Variants in PIGQ observed in about 807,000 individuals in gnomAD.
PIGQ encodes phosphatidylinositol glycan anchor biosynthesis class Q, also known as phosphatidylinositol N-acetylglucosaminyltransferase subunit Q.
PIGQ carries 54 observed loss-of-function variants against 60.3 expected under a neutral mutation model. The ratio of observed to expected loss-of-function variants is 0.90; its 90% CI spans 0.72 to 1.12. The LOEUF is 1.12. PIGQ is among the 50% of genes most tolerant of loss of function. The probability of loss-of-function intolerance (pLI) is 0.00; values close to 1 mark genes in which losing one functional copy is unlikely to be tolerated. For missense variants in PIGQ, 799 were observed against 793.5 expected (o/e 1.01, Z -0.08); for synonymous variants, 416 against 363.7 (o/e 1.14, Z -1.64).
chr16:579,968 T>A (rs753685632), intron 7 of PIGQ: 1 of 457,532 alleles, frequency 2.2e-6, no homozygotes, highest in Non-Finnish European at 3.9e-6. Context: ...TTGGGTGGTC[T>A]GGCCCCCACC....
chr16:583,840 A>G lies in PIGQ; in HGVS notation c.*805A>G. On this transcript the variant is annotated 3_prime_UTR_variant, in exon 11 of 11. Coordinates refer to ENST00000321878, the MANE Select transcript of PIGQ (RefSeq NM_004204.5). Reference sequence around the variant, plus strand: ...TGTGCAGACACCTCTGTGGCCCCCCAGGAGTGTGAGTGGCCTGGGGAGGGG... The same window carrying G: ...TGTGCAGACACCTCTGTGGCCCCCCGGGAGTGTGAGTGGCCTGGGGAGGGG... 1.5e-6 allele frequency: 1 copy of G among 655,634 alleles called. No homozygotes were observed. The allele number at this position is 655,634 out of a possible 1,614,324, so 40.6% of individuals were successfully genotyped here.
In PIGQ at chr16:578,861, G is replaced by A. The variant is rs555345115; in HGVS notation, c.1146G>A (p.Thr382=). Residue 382 remains threonine, a synonymous_variant, in exon 6 of 11, where the codon ACG becomes ACA. Transcript: ENST00000321878. ...HVGLSACLGL[T]VALSLLSDII... The stretch of plus-strand genomic sequence containing the variant: ...GCCTCTCGGCCTGCCTGGGCCTGAC[G>A]GTGGCCCTGTCCCTCCTCTCGGACA... 8.1e-6 allele frequency: 13 copies of A among 1,613,706 alleles called. No individual in the cohort carries two copies. In the African/African-American group the frequency reaches 1.1e-4, roughly 13 times the overall value.
chr16:574,388 G>A lies in PIGQ; in HGVS notation c.314G>A (p.Trp105Ter), dbSNP rs1274340709. 1 of 1,610,408 alleles carries A rather than the reference G, an allele frequency of 6.2e-7. No homozygotes were observed. The highest frequency in any genetic ancestry group is 8.5e-7 in the Non-Finnish European group (1 of 1,179,260). The change falls in exon 2 of 11, where the codon TGG becomes TAG. Residue 105 changes from tryptophan to a stop codon, truncating the protein, a stop_gained. Transcript: ENST00000321878. LOFTEE classifies it high-confidence loss of function. ...TGCCGGGAGAGAGGCGGCACGTTCT[G>A]GAGCTGCGAGGCCACCCACCGGCAA... is the stretch of plus-strand genomic sequence containing the variant. ...RLCRERGGTF[W>*]SCEATHRQAP...
In PIGQ at chr16:574,683, G is replaced by A. The variant is rs765948529; in HGVS notation, c.609G>A (p.Glu203=). The change falls in exon 2 of 11, where the codon GAG becomes GAA. Residue 203 remains glutamate (E), a synonymous_variant. Coordinates refer to ENST00000321878, the MANE Select transcript of PIGQ (RefSeq NM_004204.5). Reference sequence around the variant, plus strand: ...GCGTGGAGGCCAGCATCCTCGCGGAGCTGGCCAGGCGAGCCTCGGGACCCA... The same window carrying A: ...GCGTGGAGGCCAGCATCCTCGCGGAACTGGCCAGGCGAGCCTCGGGACCCA... ...SEGVEASILA[E]LARRASGPIC... 3.1e-6 allele frequency: 5 copies of A among 1,604,976 alleles called. 1 individual carries two copies. Among genetic ancestry groups the A allele is most frequent in the East Asian group, 2.2e-5 (1 of 44,802 alleles).
At chr16:580,578 A>C in intron 8 of PIGQ, 1 of 549,336 alleles carries the variant, frequency 1.8e-6, no homozygotes. Flanking sequence ...GAGCAGAACC[A>C]CCTCCAGCAC....
intron 2 of PIGQ, 43 bp from the exon 3 acceptor site, chr16:575,796 G>A: frequency 6.5e-7 from 1 of 1,540,528 alleles, no homozygotes; most frequent in Middle Eastern, 1.7e-4. Context: ...GGTGGGAGGA[G>A]GATCTGGAGA....
rs201114362 is a variant in PIGQ, at chr16:581,017, G to A, written c.1531+45G>A. 2.2e-6 allele frequency: 3 copies of A among 1,383,482 alleles called. No individual in the cohort carries two copies. In the East Asian group the frequency reaches 6.8e-5, roughly 32 times the overall value. 85.7% of individuals were successfully genotyped at this position (1,383,482 alleles called of 1,614,324 possible). ...CAGCTGGCCCTGGGTAGGTGGAGGG[G>A]AACCACACCTGTGGGCCCTGCAGAA... On this transcript the variant is annotated intron_variant, in intron 9 of 10. Transcript: ENST00000321878.
At position 574,594 on chromosome 16, in the gene PIGQ, G is replaced by A. The variant is rs2035687989; in HGVS notation, c.520G>A (p.Val174Met). 6.2e-7 allele frequency: 1 copy of A among 1,604,808 alleles called. No homozygotes were observed. The highest frequency in any genetic ancestry group is 8.5e-7 in the Non-Finnish European group (1 of 1,176,700). The change falls in exon 2 of 11, where the codon GTG (valine) becomes ATG (methionine). Residue 174 changes from valine (V) to methionine (M), a missense_variant. Coordinates refer to ENST00000321878, the MANE Select transcript of PIGQ (RefSeq NM_004204.5). ...AVFDTVARSE[V>M]LFRSDRFDEG... is the part of the protein sequence containing the mutation. ...CTTCGACACGGTAGCACGCAGTGAGGTGCTCTTCCGCAGTGACCGCTTTGA... is the reference window on the plus strand; with the variant it reads ...CTTCGACACGGTAGCACGCAGTGAGATGCTCTTCCGCAGTGACCGCTTTGA...
At chr16:575,464 G>C (rs966061992) in intron 2 of PIGQ, among the ~76,000 whole-genome samples, 1 of 152,194 alleles carries the variant, frequency 6.6e-6, no homozygotes, top group African/African-American at 2.4e-5. Context: ...GAAGCCTGGG[G>C]TGAGAAGCTA....
At chr16:574,869 C>A in intron 2 of PIGQ, 106 bp downstream of exon 2, 1 of 916,666 alleles carries the variant, frequency 1.1e-6, no homozygotes, top group Non-Finnish European at 1.6e-6. Flanking sequence ...TCTTCCTGGG[C>A]CCGGGCCCCC....
In PIGQ at chr16:580,862, G is replaced by C. The variant is rs368953625; in HGVS notation, c.1421G>C (p.Arg474Pro). Reference protein sequence around the residue: ...ALYYLVFTLLRLLVVAVQGLI... With the variant: ...ALYYLVFTLLPLLVVAVQGLI... Reference sequence around the variant, plus strand: ...CTAAATGCTCCTCTGCCACAGCTCCGGCTCCTGGTGGTCGCCGTGCAGGGC... The same window carrying C: ...CTAAATGCTCCTCTGCCACAGCTCCCGCTCCTGGTGGTCGCCGTGCAGGGC... Residue 474 changes from arginine (R) to proline (P), a missense_variant, in exon 9 of 11, where the codon CGG (arginine) becomes CCG (proline). By Grantham distance (103) the Arg-to-Pro change is moderately radical. Transcript: ENST00000321878. 6.9e-7 allele frequency: 1 copy of C among 1,458,246 alleles called. No individual in the cohort carries two copies. The highest frequency in any genetic ancestry group is 1.1e-5 in the South Asian group (1 of 88,102). 90.3% of individuals were successfully genotyped at this position (1,458,246 alleles called of 1,614,324 possible). A position where few individuals can be genotyped will look rare whatever the true frequency, so the allele number is the denominator to read the frequency against.
rs758356668 is a variant in PIGQ, at chr16:574,708, A to C, written c.634A>C (p.Ile212Leu). Reference sequence around the variant, plus strand: ...GCTGGCCAGGCGAGCCTCGGGACCCATTTGCCTGCTGTTGGCCAGCCTGCT... The same window carrying C: ...GCTGGCCAGGCGAGCCTCGGGACCCCTTTGCCTGCTGTTGGCCAGCCTGCT... The part of the protein sequence containing the change: ...AELARRASGP[I>L]CLLLASLLSL... Residue 212 changes from isoleucine to leucine, a missense_variant, in exon 2 of 11, where the codon ATT becomes CTT. By Grantham distance (5) the Ile-to-Leu change is conservative. Coordinates refer to ENST00000321878, the MANE Select transcript of PIGQ (RefSeq NM_004204.5). The C allele has an allele frequency of 1.9e-4, 308 of 1,596,166 alleles. No homozygotes were observed. The highest frequency in any genetic ancestry group is 2.6e-4 in the Non-Finnish European group (303 of 1,174,816).
At chr16:572,919 G>T (rs924105800) in intron 1 of PIGQ, among the ~76,000 whole-genome samples, 3 of 152,006 alleles carry the variant, frequency 2.0e-5, no homozygotes, top group Non-Finnish European at 2.9e-5. Context: ...GCTCCAGCGT[G>T]GGGGGTCTCT....
chr16:582,177 C>A lies in PIGQ; in HGVS notation c.1532-71C>A. On this transcript the variant is annotated intron_variant, in intron 9 of 10. Coordinates refer to ENST00000321878, the MANE Select transcript of PIGQ (RefSeq NM_004204.5). Reference sequence around the variant, plus strand: ...CGGGTGCCCCTCAGAGAGGAAGGTACCTGCAGCCTCTGCTCATGTGTGGGG... The same window carrying A: ...CGGGTGCCCCTCAGAGAGGAAGGTAACTGCAGCCTCTGCTCATGTGTGGGG... 5.3e-6 allele frequency: 6 copies of A among 1,121,896 alleles called. No homozygotes were observed. The Middle Eastern group carries it at 9.5e-4, about 178-fold the overall frequency. The allele number at this position is 1,121,896 out of a possible 1,614,324, so 69.5% of individuals were successfully genotyped here.
At chr16:580,823 TG>T in intron 8 of PIGQ, 34 bp from the exon 9 acceptor site, 1 of 966,330 alleles carries the variant, frequency 1.0e-6, no homozygotes. Context: ...CAGGCGCGTC[TG>T]GCCGGGCCGG....
rs769940837 is a variant in PIGQ at position 571,616 on chromosome 16, G to A, written c.-10+1520G>A. Among the ~76,000 whole-genome samples, 813 of 139,230 alleles carry A rather than the reference G, an allele frequency of 5.8e-3. 11 individuals carry two copies. The highest frequency in any genetic ancestry group is 0.056 in the East Asian group (260 of 4,604). 91.3% of individuals were successfully genotyped at this position (139,230 alleles called of 152,430 possible). On this transcript the variant is annotated intron_variant, in intron 1 of 10. Coordinates refer to ENST00000321878, the MANE Select transcript of PIGQ (RefSeq NM_004204.5). ...TGTGTGGCTAGCCTGGCGCCCGTGT[G>A]TGTGTGTGTGTGTGTGTGTTTCCTC...
chr16:580,537 G>T, intron 8 of PIGQ: 2 of 550,958 alleles, frequency 3.6e-6, no homozygotes, highest in South Asian at 5.0e-5. Flanking sequence ...GCCTCCCCTG[G>T]TGCCTGGCAC....
In PIGQ at chr16:580,102, G is replaced by A. The variant is rs746485366; in HGVS notation, c.1336-81G>A. On this transcript the variant is annotated intron_variant, in intron 7 of 10. Transcript: ENST00000321878. The stretch of plus-strand genomic sequence containing the variant: ...GCCGCAAGGTCCCGACTGCAGCTCC[G>A]GGATGGGGGAGGGCACAGTGCTGGG... 6.7e-5 allele frequency: 72 copies of A among 1,078,220 alleles called. No individual in the cohort carries two copies. In the African/African-American group the frequency reaches 7.8e-4, roughly 12 times the overall value. 66.8% of individuals were successfully genotyped at this position (1,078,220 alleles called of 1,614,324 possible).
Position 583,571 on chromosome 16 carries a change from G to A in PIGQ, c.*536G>A, listed in dbSNP as rs1567178767. On this transcript the variant is annotated 3_prime_UTR_variant, in exon 11 of 11. Coordinates refer to ENST00000321878, the MANE Select transcript of PIGQ (RefSeq NM_004204.5). ...TGACCCCCGTCCCCAGCGGGCCCGG[G>A]CCCTCACTCCCTGAACCACACGGGG... is the stretch of plus-strand genomic sequence containing the variant. 26 of 1,612,582 alleles carry A rather than the reference G, an allele frequency of 1.6e-5. No homozygotes were observed. Among genetic ancestry groups the A allele is most frequent in the Non-Finnish European group, 2.2e-5 (26 of 1,179,752 alleles).
Sources: gnomAD v4.1 joint callset for allele counts (sites outside exome capture counted in the v4.1 genomes callset) on GRCh38, gnomAD v4.1.1 for gene constraint, MANE v1.5 for transcripts, NCBI Gene and HGNC (gene_info 2026-07-23, HGNC 2026-07-21) for gene names.